TYW1: variants seen among roughly 807,000 people sequenced by gnomAD.
TYW1 encodes the protein tRNA-yW synthesizing protein 1 homolog, also known as S-adenosyl-L-methionine-dependent tRNA 4-demethylwyosine synthase TYW1.
In TYW1, 46 loss-of-function variants were observed where a neutral mutation model predicts 96.2. The ratio of observed to expected loss-of-function variants is 0.48; its 90% CI spans 0.38 to 0.61. TYW1 has a LOEUF of 0.61. TYW1 is among the 20% of genes least tolerant of loss of function. The probability of loss-of-function intolerance (pLI) is 0.00; values close to 1 mark genes in which losing one functional copy is unlikely to be tolerated. For synonymous variants in TYW1, 274 were observed against 323.0 expected (o/e 0.85, Z 1.63); for missense variants, 684 against 909.6 (o/e 0.75, Z 3.19).
intron 13 of TYW1, among the ~76,000 whole-genome samples, chr7:67,149,764 A>ATCTG (rs1563041632): frequency 2.4e-5 from 2 of 83,256 alleles, no homozygotes; most frequent in Non-Finnish European, 5.0e-5. Flanking sequence ...CTATCTATCT[A>ATCTG]TCTATCTATC....
chr7:67,043,712 G>T (rs1371519152), intron 7 of TYW1, among the ~76,000 whole-genome samples: 1 of 152,058 alleles, frequency 6.6e-6, no homozygotes, highest in Non-Finnish European at 1.5e-5. Context: ...ACTCACCATG[G>T]TCTCTGTAGC....
chr7:67,034,269 A>T (rs1258686143), intron 7 of TYW1, among the ~76,000 whole-genome samples: 2 of 133,742 alleles, frequency 1.5e-5, no homozygotes, highest in African/African-American at 5.3e-5. Context: ...ACACCTGGCT[A>T]TTTTTGTATT....
At chr7:67,212,663 GTTTTTTTGTT>G (rs1380825433) in intron 15 of TYW1, among the ~76,000 whole-genome samples, 5 of 103,688 alleles carry the variant, frequency 4.8e-5, no homozygotes, top group Non-Finnish European at 6.2e-5. Flanking sequence ...GTATATCACG[GTTTTTTTGTT>G]TTTTTTTGTT....
At chr7:66,997,066 C>T (rs1793191975) in intron 1 of TYW1, 84 bp downstream of exon 1, 6 of 1,597,986 alleles carry the variant, frequency 3.8e-6, no homozygotes, top group Non-Finnish European at 5.1e-6. Flanking sequence ...GGAGTGGCGT[C>T]CTCGGTCCCT....
rs73700328 is a variant in TYW1, at chr7:67,045,598, T to C, written c.985-4351T>C. 4.5e-3 allele frequency among the ~76,000 whole-genome samples: 688 copies of C among 152,354 alleles called. 5 individuals are homozygous for C. Among genetic ancestry groups the C allele is most frequent in the African/African-American group, 0.016 (659 of 41,580 alleles). On this transcript the variant is annotated intron_variant, in intron 7 of 15. Coordinates refer to ENST00000359626, the MANE Select transcript of TYW1 (RefSeq NM_018264.4). The stretch of plus-strand genomic sequence containing the variant: ...TATTACTATTATTCTGTAAGATTCA[T>C]GTAGTCCTGTCAGTTTATAAAGAAC...
At chr7:67,048,819 C>T (rs367772663) in intron 7 of TYW1, among the ~76,000 whole-genome samples, 2 of 152,196 alleles carry the variant, frequency 1.3e-5, no homozygotes, top group African/African-American at 4.8e-5. Context: ...CATTGGCCAG[C>T]AGTTTCAGAC....
intron 13 of TYW1, among the ~76,000 whole-genome samples, chr7:67,146,252 T>A (rs1009187609): frequency 2.6e-5 from 4 of 152,166 alleles, no homozygotes; most frequent in Non-Finnish European, 5.9e-5. Flanking sequence ...TACTTACCCA[T>A]TTTCCCTTGT....
At chr7:67,182,429 TG>T (rs1799870415) in intron 13 of TYW1, among the ~76,000 whole-genome samples, 1 of 152,154 alleles carries the variant, frequency 6.6e-6, no homozygotes, top group Non-Finnish European at 1.5e-5. Flanking sequence ...CCAGGCGTGA[TG>T]ACGTGTGCCT....
Position 67,117,500 on chromosome 7 carries a change from C to G in TYW1, c.1580C>G (p.Thr527Ser). The G allele has an allele frequency of 6.2e-7, 1 of 1,606,716 alleles. No individual in the cohort carries two copies. The highest frequency in any genetic ancestry group is 8.5e-7 in the Non-Finnish European group (1 of 1,178,262). ...TTACTAAGGAACCTCGAGCCGGTTA[C>G]TCAGCTGTATGTCAGTGTGGATGCC... ...PAEIRNLEPV[T>S]QLYVSVDAST... is the part of the protein sequence containing the mutation. Residue 527 changes from threonine (T) to serine (S), a missense_variant, in exon 13 of 16, where the codon ACT becomes AGT. Transcript: ENST00000359626.
chr7:67,047,716 T>C (rs2953024), intron 7 of TYW1, among the ~76,000 whole-genome samples: 1 of 149,208 alleles, frequency 6.7e-6, no homozygotes, highest in South Asian at 2.1e-4. Flanking sequence ...TTTCAGAGCA[T>C]GTCCCTGAAG....
intron 4 of TYW1, among the ~76,000 whole-genome samples, chr7:67,014,165 G>A (rs1364579291): frequency 6.6e-6 from 1 of 152,318 alleles, no homozygotes; most frequent in East Asian, 1.9e-4. Flanking sequence ...TATACTGGCA[G>A]GAGCAAGGGA....
intron 13 of TYW1, among the ~76,000 whole-genome samples, chr7:67,123,682 A>G (rs1797828817): frequency 6.6e-6 from 1 of 152,220 alleles, no homozygotes; most frequent in Non-Finnish European, 1.5e-5. Context: ...GTGCCTAAAG[A>G]AGGCAAAGAG....
intron 15 of TYW1, among the ~76,000 whole-genome samples, chr7:67,230,976 G>A (rs966464049): frequency 3.3e-5 from 5 of 152,006 alleles, no homozygotes; most frequent in African/African-American, 1.2e-4. Context: ...TGGAAGATGA[G>A]GCTTGAGCTT....
rs551885701 is a variant in TYW1 at position 67,103,113 on chromosome 7, G to A, written c.1562+4395G>A. 4.6e-5 allele frequency among the ~76,000 whole-genome samples: 7 copies of A among 152,276 alleles called. No homozygotes were observed. In the East Asian group the frequency reaches 1.3e-3, roughly 29 times the overall value. ...ATTCTAGATTCAGATCTCAAAAAGT[G>A]GGCACGTCTTTGTTATCCGTTGAAA... On this transcript the variant is annotated intron_variant, in intron 12 of 15. Transcript: ENST00000359626.
chr7:67,012,405 G>T (rs1016378946), intron 4 of TYW1, among the ~76,000 whole-genome samples: 2 of 151,926 alleles, frequency 1.3e-5, no homozygotes, highest in African/African-American at 4.8e-5. Context: ...GTAGTTTACC[G>T]GCCCCGTCTT....
At chr7:67,213,192 A>G (rs1243714807) in intron 15 of TYW1, among the ~76,000 whole-genome samples, 1 of 151,456 alleles carries the variant, frequency 6.6e-6, no homozygotes, top group African/African-American at 2.4e-5. Flanking sequence ...TTAAGAGACA[A>G]GGTCTCACTC....
chr7:67,058,012 G>T (rs1002175300), intron 9 of TYW1, among the ~76,000 whole-genome samples: 2 of 152,130 alleles, frequency 1.3e-5, no homozygotes, highest in African/African-American at 4.8e-5. Flanking sequence ...TCGGCTCACT[G>T]CAAGCTCTGC....
At chr7:67,198,763 T>C (rs1439876071) in intron 15 of TYW1, among the ~76,000 whole-genome samples, 1 of 152,176 alleles carries the variant, frequency 6.6e-6, no homozygotes, top group Non-Finnish European at 1.5e-5. Flanking sequence ...ACCCAACCCC[T>C]AATCTAGGCA....
At chr7:67,216,430 T>C (rs1302506293) in intron 15 of TYW1, among the ~76,000 whole-genome samples, 1 of 136,956 alleles carries the variant, frequency 7.3e-6, no homozygotes, top group Non-Finnish European at 1.6e-5. Flanking sequence ...CTTAATTGTC[T>C]TGCCCAGAGG....
Sources: allele counts gnomAD v4.1 joint callset (sites outside exome capture counted in the v4.1 genomes callset), GRCh38; gene constraint gnomAD v4.1.1; transcripts MANE v1.5; gene names NCBI Gene and HGNC (gene_info 2026-07-23, HGNC 2026-07-21).